PSD3: variants seen among roughly 807,000 people sequenced by gnomAD.
The protein encoded by PSD3 is pleckstrin and Sec7 domain containing 3.
In PSD3, 49 loss-of-function variants were observed where a neutral mutation model predicts 105.5. The observed-to-expected ratio is 0.46, with a 90% CI of 0.37 to 0.59. The LOEUF (loss-of-function observed/expected upper bound fraction) is 0.59. PSD3 is among the 20% of genes least tolerant of loss of function. The pLI is 0.00. For missense variants in PSD3, 1,561 were observed against 1,263.8 expected (o/e 1.24, Z -3.57); for synonymous variants, 557 against 457.8 (o/e 1.22, Z -2.77).
intron 4 of PSD3, among the ~76,000 whole-genome samples, chr8:18,820,619 C>A (rs371348573): frequency 6.6e-6 from 1 of 151,964 alleles, no homozygotes; most frequent in Admixed American, 6.6e-5. Flanking sequence ...GAAAAAAATA[C>A]GAACATTCTC....
chr8:18,535,864 G>T lies in PSD3; in HGVS notation c.3023C>A (p.Ser1008Ter). The change falls in exon 16 of 16, where the codon TCG (serine) becomes TAG (stop). Residue 1008 changes from serine (S) to a stop codon, truncating the protein, a stop_gained. Coordinates refer to ENST00000327040, the MANE Select transcript of PSD3 (RefSeq NM_015310.4). LOFTEE classifies it high-confidence loss of function. ...CGGGTTCAGCGAAGGACTCGAGTGC[G>T]ACTTCTTCAGTCCTGCAGCCTCGCT... ...DESEAAGLKKSHSSPSLNPDT... is the reference protein window; with the variant it reads ...DESEAAGLKK 1.2e-6 allele frequency: 2 copies of T among 1,614,060 alleles called. No homozygotes were observed. The highest frequency in any genetic ancestry group is 1.7e-6 in the Non-Finnish European group (2 of 1,179,966).
intron 11 of PSD3, among the ~76,000 whole-genome samples, chr8:18,612,536 T>A (rs1449990681): frequency 6.6e-5 from 10 of 152,148 alleles, no homozygotes; most frequent in African/African-American, 2.4e-4. Flanking sequence ...CCCGCCTGGA[T>A]AATGTTGTTG....
intron 11 of PSD3, among the ~76,000 whole-genome samples, chr8:18,606,971 A>C (rs1289362454): frequency 2.0e-5 from 3 of 152,196 alleles, no homozygotes; most frequent in Non-Finnish European, 2.9e-5. Flanking sequence ...CCCCCAAGGA[A>C]GCTACCCATC....
At chr8:18,898,299 C>A (rs945565095) in intron 2 of PSD3, among the ~76,000 whole-genome samples, 1 of 152,060 alleles carries the variant, frequency 6.6e-6, no homozygotes, top group African/African-American at 2.4e-5. Context: ...GGTACATATA[C>A]GTTTATAAGT....
Position 18,765,501 on chromosome 8 carries a change from G to A in PSD3, c.2120C>T (p.Ala707Val). The A allele has an allele frequency of 1.2e-6, 2 of 1,612,896 alleles. No individual in the cohort carries two copies. Among genetic ancestry groups the A allele is most frequent in the Non-Finnish European group, 1.7e-6 (2 of 1,178,900 alleles). ...GKKMTCQEFI[A>V]NLQGVNEGVD... ...ACCCTCATTTACCCCTTGCAGATTT[G>A]CAATGAACTCCTGACAGGTCATCTT... The change falls in exon 9 of 16, where the codon GCA becomes GTA. Residue 707 changes from alanine to valine, a missense_variant. By Grantham distance (64) the Ala-to-Val change is moderately conservative. Coordinates refer to ENST00000327040, the MANE Select transcript of PSD3 (RefSeq NM_015310.4).
intron 9 of PSD3, among the ~76,000 whole-genome samples, chr8:18,690,644 C>T (rs564305880): frequency 3.2e-4 from 49 of 152,306 alleles, no homozygotes; most frequent in African/African-American, 1.2e-3. Context: ...ACCCTGCTGC[C>T]ATGTGTCACT....
chr8:18,667,419 G>C (rs1799534425), intron 9 of PSD3, among the ~76,000 whole-genome samples: 1 of 152,120 alleles, frequency 6.6e-6, no homozygotes, highest in Non-Finnish European at 1.5e-5. Context: ...ACAGAGTGCC[G>C]ATTGGTGTAT....
chr8:18,935,951 G>T, intron 2 of PSD3, 83 bp downstream of exon 2: 1 of 819,086 alleles, frequency 1.2e-6, no homozygotes, highest in Non-Finnish European at 2.0e-6. Context: ...GAAGAAGAAA[G>T]TAATGCAGGT....
intron 9 of PSD3, among the ~76,000 whole-genome samples, chr8:18,697,570 C>T (rs114408898): frequency 1.2e-3 from 178 of 152,270 alleles, no homozygotes; most frequent in African/African-American, 4.2e-3. Flanking sequence ...TATTCTAGAA[C>T]ATTATTGTTA....
chr8:18,752,492 A>ATTT (rs1244202812), intron 9 of PSD3, among the ~76,000 whole-genome samples: 1 of 17,802 alleles, frequency 5.6e-5, no homozygotes, highest in Non-Finnish European at 1.5e-4. Flanking sequence ...TTATATATAT[A>ATTT]ATATATATAA....
chr8:18,767,281 T>G (rs1310468199), intron 8 of PSD3, among the ~76,000 whole-genome samples: 3 of 152,214 alleles, frequency 2.0e-5, no homozygotes, highest in Non-Finnish European at 2.9e-5. Context: ...CCTCTTATTC[T>G]AGTTCCAAAC....
chr8:19,008,929 GCCT>G (rs1468075989), intron 1 of PSD3, among the ~76,000 whole-genome samples: 1 of 152,168 alleles, frequency 6.6e-6, no homozygotes, highest in Non-Finnish European at 1.5e-5. Flanking sequence ...AGGAAAAGCA[GCCT>G]TCACTGTGTC....
intron 12 of PSD3, 45 bp from the exon 13 acceptor site, chr8:18,575,330 A>T (rs754806234): frequency 6.8e-7 from 1 of 1,473,292 alleles, no homozygotes; most frequent in Non-Finnish European, 9.0e-7. Context: ...TCACGATCAG[A>T]TTTCAACTTA....
At chr8:19,014,918 A>C (rs1827127966), upstream of PSD3, among the ~76,000 whole-genome samples, 1 of 152,200 alleles carries the variant, frequency 6.6e-6, no homozygotes, top group African/African-American at 2.4e-5. The surrounding 1 kb of genome is among the most constrained non-coding windows in gnomAD (Gnocchi z 4.9). Flanking sequence ...GTATGCCTTT[A>C]TACAAATTCA....
chr8:18,709,176 A>T (rs979935660), intron 9 of PSD3, among the ~76,000 whole-genome samples: 1 of 152,076 alleles, frequency 6.6e-6, no homozygotes, highest in Non-Finnish European at 1.5e-5. Context: ...TGCCAGGGAG[A>T]CTGGGCAGTT....
intron 1 of PSD3, among the ~76,000 whole-genome samples, chr8:18,980,438 GGGTTGGTTGGTTGGTTCGTT>G (rs1563483071): frequency 1.3e-5 from 2 of 152,094 alleles, no homozygotes; most frequent in East Asian, 1.9e-4. Flanking sequence ...GCACCTAGTT[GGGTTGGTTGGTTGGTTCGTT>G]GGTTGGTTGG....
At chr8:19,061,788 G>C (rs1278268682) in intron 1 of PSD3, among the ~76,000 whole-genome samples, 5 of 148,354 alleles carry the variant, frequency 3.4e-5, no homozygotes, top group Non-Finnish European at 7.4e-5. Flanking sequence ...CTGGGCGACA[G>C]AGTGAGACTC....
chr8:18,679,802 C>T (rs917357606), intron 9 of PSD3, among the ~76,000 whole-genome samples: 101 of 152,182 alleles, frequency 6.6e-4, no homozygotes, highest in African/African-American at 2.3e-3. Flanking sequence ...ACTGGAAGTT[C>T]TTGAAATTTC....
At chr8:18,675,766 T>C (rs1334544396) in intron 9 of PSD3, among the ~76,000 whole-genome samples, 4 of 152,188 alleles carry the variant, frequency 2.6e-5, no homozygotes, top group African/African-American at 9.7e-5. Flanking sequence ...TTAATTAAAA[T>C]TAATGTTAGA....
Sources: allele counts gnomAD v4.1 joint callset (sites outside exome capture counted in the v4.1 genomes callset), GRCh38; gene constraint gnomAD v4.1.1; non-coding constraint Gnocchi (gnomAD v3.1); transcripts MANE v1.5; gene names NCBI Gene and HGNC (gene_info 2026-07-23, HGNC 2026-07-21).